SMYD3: variants seen among roughly 807,000 people sequenced by gnomAD.
The protein encoded by SMYD3 is histone-lysine N-methyltransferase SMYD3.
In SMYD3, 36 loss-of-function variants were observed where a neutral mutation model predicts 57.7. The observed-to-expected ratio is 0.62, with a 90% CI of 0.48 to 0.82. SMYD3 has a LOEUF of 0.82. Among genes scored for constraint, SMYD3 ranks in the 40% least tolerant of loss-of-function variants. The pLI is 0.00. For missense variants in SMYD3, 515 were observed against 538.8 expected (o/e 0.96, Z 0.44); for synonymous variants, 211 against 195.0 (o/e 1.08, Z -0.68).
chr1:246,030,460 C>G (rs989676044), intron 5 of SMYD3, among the ~76,000 whole-genome samples: 3 of 152,098 alleles, frequency 2.0e-5, no homozygotes, highest in Admixed American at 2.0e-4. Flanking sequence ...TACAAAATTA[C>G]AGTTACATAG....
chr1:246,382,416 A>T (rs890855912), intron 1 of SMYD3, among the ~76,000 whole-genome samples: 1 of 151,686 alleles, frequency 6.6e-6, no homozygotes, highest in African/African-American at 2.4e-5. Flanking sequence ...ACCCATGCCC[A>T]CTCTATAGAC....
In SMYD3 at chr1:246,165,548, G is replaced by T. The variant is rs143021180; in HGVS notation, c.531+161653C>A. Among the ~76,000 whole-genome samples, 1,266 of 152,270 alleles carry T rather than the reference G, an allele frequency of 8.3e-3. 11 individuals carry two copies. The highest frequency in any genetic ancestry group is 0.014 in the Non-Finnish European group (932 of 68,012). On this transcript the variant is annotated intron_variant, in intron 5 of 11. Coordinates refer to ENST00000490107, the MANE Select transcript of SMYD3 (RefSeq NM_001167740.2). ...AGAGGGAGGTTTGCTGATGCTTTCA[G>T]GGGTGAGGAGAGGTGAAGGGTTAAA...
chr1:246,148,023 GC>G (rs1256066824), intron 5 of SMYD3, among the ~76,000 whole-genome samples: 3 of 152,054 alleles, frequency 2.0e-5, no homozygotes, highest in African/African-American at 7.3e-5. Flanking sequence ...GCCCGGGGCA[GC>G]AGGAGGCAGA....
intron 5 of SMYD3, among the ~76,000 whole-genome samples, chr1:246,313,060 A>G (rs950413320): frequency 4.6e-5 from 7 of 152,004 alleles, no homozygotes; most frequent in African/African-American, 1.5e-4. Flanking sequence ...GACCACAGGC[A>G]TGAGCCACCA....
intron 5 of SMYD3, among the ~76,000 whole-genome samples, chr1:246,294,817 TG>T (rs1388354269): frequency 6.6e-6 from 1 of 152,158 alleles, no homozygotes; most frequent in African/African-American, 2.4e-5. Flanking sequence ...CAAGCTGGTC[TG>T]GAACTCCTGA....
chr1:246,006,573 AAG>A (rs869030477), intron 5 of SMYD3, among the ~76,000 whole-genome samples: 1 of 54,540 alleles, frequency 1.8e-5, no homozygotes, highest in Non-Finnish European at 9.2e-5. Context: ...TTATTCTCAG[AAG>A]ATTTTTTAAA....
intron 5 of SMYD3, among the ~76,000 whole-genome samples, chr1:246,226,601 T>C (rs2063334502): frequency 6.6e-6 from 1 of 152,226 alleles, no homozygotes; most frequent in East Asian, 1.9e-4. Context: ...TGTTAGTGTT[T>C]ACACATAAAG....
chr1:246,192,754 T>C (rs189363759), intron 5 of SMYD3, among the ~76,000 whole-genome samples: 71 of 152,286 alleles, frequency 4.7e-4, no homozygotes, highest in African/African-American at 1.7e-3. Context: ...TGAGACTAAA[T>C]GTATCTCAAT....
At chr1:245,990,987 T>C (rs534244324) in intron 5 of SMYD3, among the ~76,000 whole-genome samples, 2 of 152,170 alleles carry the variant, frequency 1.3e-5, no homozygotes, top group Non-Finnish European at 2.9e-5. Context: ...TGAAGCATCA[T>C]AAGAAGTCAC....
At chr1:245,855,261 G>A (rs531017100) in intron 10 of SMYD3, among the ~76,000 whole-genome samples, 46 of 151,864 alleles carry the variant, frequency 3.0e-4, no homozygotes, top group Admixed American at 1.3e-4. Context: ...ATTAATATTC[G>A]ACGCACAAAA....
intron 10 of SMYD3, among the ~76,000 whole-genome samples, chr1:245,793,572 T>A (rs2047394521): frequency 6.6e-6 from 1 of 152,022 alleles, no homozygotes. Flanking sequence ...CACACACTAC[T>A]GTTTACCATC....
At chr1:246,180,977 A>G (rs2062542260) in intron 5 of SMYD3, among the ~76,000 whole-genome samples, 1 of 152,070 alleles carries the variant, frequency 6.6e-6, no homozygotes, top group Admixed American at 6.5e-5. Context: ...ACTCTACTCT[A>G]ATATGTCCAT....
At chr1:246,447,938 G>C (rs889008733) in intron 1 of SMYD3, among the ~76,000 whole-genome samples, 2 of 152,102 alleles carry the variant, frequency 1.3e-5, no homozygotes, top group African/African-American at 4.8e-5. Context: ...AACTTTCCAC[G>C]TCTGCTTCCT....
At chr1:245,777,697 T>A (rs1448847790) in intron 10 of SMYD3, among the ~76,000 whole-genome samples, 1 of 151,792 alleles carries the variant, frequency 6.6e-6, no homozygotes, top group Non-Finnish European at 1.5e-5. Flanking sequence ...TTCCTAGAGG[T>A]CCCCCTGTGT....
rs193249539 is a variant in SMYD3 at position 246,368,710 on chromosome 1, T to C, written c.165-13616A>G. On this transcript the variant is annotated intron_variant, in intron 1 of 11. Coordinates refer to ENST00000490107, the MANE Select transcript of SMYD3 (RefSeq NM_001167740.2). ...AAGGCAGACCCCCCCTCAACCTGGG[T>C]GGGCACCATCTAATCAGCTGCCAGC... Among the ~76,000 whole-genome samples, 467 of 152,254 alleles carry C rather than the reference T, an allele frequency of 3.1e-3. 1 individual carries two copies. Among genetic ancestry groups the C allele is most frequent in the Non-Finnish European group, 3.2e-3 (217 of 68,014 alleles).
rs370102709 is a variant in SMYD3, at chr1:245,903,949, C to A, written c.813+11581G>T. Reference sequence around the variant, plus strand: ...AGATGCCCTAGAGACATTTTCCCCGCTGTCTTGGTGATTAACATTTGGCTC... The same window carrying A: ...AGATGCCCTAGAGACATTTTCCCCGATGTCTTGGTGATTAACATTTGGCTC... On this transcript the variant is annotated intron_variant, in intron 8 of 11. Transcript: ENST00000490107. Among the ~76,000 whole-genome samples the A allele has an allele frequency of 1.4e-4, 21 of 152,342 alleles. No homozygotes were observed. The East Asian group carries it at 4.1e-3, about 29-fold the overall frequency.
At chr1:246,266,777 AAGAC>A (rs1357863708) in intron 5 of SMYD3, among the ~76,000 whole-genome samples, 1 of 150,762 alleles carries the variant, frequency 6.6e-6, no homozygotes, top group African/African-American at 2.4e-5. Flanking sequence ...AGCCGAAAGA[AAGAC>A]AGAAAGAAAG....
Position 246,348,077 on chromosome 1 carries a change from T to TATATATATACACATAC in SMYD3, c.228+6953_228+6954insGTATGTGTATATATAT. Among the ~76,000 whole-genome samples the TATATATATACACATAC allele has an allele frequency of 6.2e-3, 540 of 86,534 alleles. 35 individuals are homozygous for TATATATATACACATAC. Among genetic ancestry groups the TATATATATACACATAC allele is most frequent in the African/African-American group, 0.02 (504 of 25,044 alleles). The allele number at this position is 86,534 out of a possible 152,430, so 56.8% of individuals were successfully genotyped here. ...AGAAAACGTTATATATATATATATA[T>TATATATATACACATAC]ACACACACACCATCAAATACTATGA... is the stretch of plus-strand genomic sequence containing the variant. On this transcript the variant is annotated intron_variant, in intron 2 of 11. Transcript: ENST00000490107.
intron 8 of SMYD3, among the ~76,000 whole-genome samples, chr1:245,867,683 C>CACAT (rs1400634462): frequency 2.0e-5 from 3 of 152,002 alleles, no homozygotes; most frequent in African/African-American, 7.2e-5. Context: ...CACACACACA[C>CACAT]ACACACTCAC....
Sources: gnomAD v4.1 joint callset for allele counts (sites outside exome capture counted in the v4.1 genomes callset) on GRCh38, gnomAD v4.1.1 for gene constraint, MANE v1.5 for transcripts, NCBI Gene and HGNC (gene_info 2026-07-23, HGNC 2026-07-21) for gene names.